ATP6V1A: variants seen among roughly 807,000 people sequenced by gnomAD.
The protein encoded by ATP6V1A is V-type proton ATPase catalytic subunit A.
ATP6V1A carries 18 observed loss-of-function variants against 70.1 expected under a neutral mutation model. The ratio of observed to expected loss-of-function variants is 0.26; its 90% confidence interval spans 0.18 to 0.38. ATP6V1A has a LOEUF of 0.38. Among genes scored for constraint, ATP6V1A ranks in the 10% least tolerant of loss-of-function variants. The pLI, the probability that ATP6V1A is intolerant of heterozygous loss-of-function variation, is 1.00. For synonymous variants in ATP6V1A, 232 were observed against 253.8 expected (o/e 0.91, Z 0.82); for missense variants, 424 against 772.4 (o/e 0.55, Z 5.35).
intron 5 of ATP6V1A, among the ~76,000 whole-genome samples, chr3:113,785,510 T>C (rs1395198585): frequency 2.8e-5 from 4 of 143,912 alleles, no homozygotes; most frequent in East Asian, 2.0e-4. Context: ...TCTTTTCTTT[T>C]TTTTTTTTTT....
intron 8 of ATP6V1A, among the ~76,000 whole-genome samples, chr3:113,790,446 A>G (rs1353893210): frequency 6.6e-6 from 1 of 151,804 alleles, no homozygotes; most frequent in Non-Finnish European, 1.5e-5. Flanking sequence ...TTTATCATTG[A>G]TCTAGTTTTA....
At chr3:113,750,615 C>A (rs1277826938) in intron 1 of ATP6V1A, among the ~76,000 whole-genome samples, 1 of 152,244 alleles carries the variant, frequency 6.6e-6, no homozygotes, top group Non-Finnish European at 1.5e-5. Flanking sequence ...CACTTAATAA[C>A]TGTGTGACTT....
At position 113,797,457 on chromosome 3, in the gene ATP6V1A, T is replaced by A. The variant is rs193258914; in HGVS notation, c.1291-786T>A. On this transcript the variant is annotated intron_variant, in intron 11 of 14. Transcript: ENST00000273398. ...TTTTAGTACAGACAGGGTTTTGCCA[T>A]GTTGGCCAGGCTGGTCTCGAACTCC... 8.6e-5 allele frequency among the ~76,000 whole-genome samples: 13 copies of A among 150,772 alleles called. No individual in the cohort carries two copies. The East Asian group carries it at 2.6e-3, about 30-fold the overall frequency.
chr3:113,758,026 C>T (rs1708664146), intron 1 of ATP6V1A, among the ~76,000 whole-genome samples: 1 of 152,042 alleles, frequency 6.6e-6, no homozygotes, highest in Non-Finnish European at 1.5e-5. Context: ...CACCTGTAGT[C>T]CCAGCTACTC....
chr3:113,804,722 T>C (rs922842036), intron 13 of ATP6V1A, among the ~76,000 whole-genome samples: 2 of 152,220 alleles, frequency 1.3e-5, no homozygotes, highest in African/African-American at 4.8e-5. Context: ...AAAAATTCTT[T>C]GGAAAAGGTG....
chr3:113,809,478 G>A lies in ATP6V1A; in HGVS notation c.*51G>A, dbSNP rs1338685680. The A allele has an allele frequency of 1.3e-6, 2 of 1,523,178 alleles. No individual in the cohort carries two copies. Among genetic ancestry groups the A allele is most frequent in the East Asian group, 2.3e-5 (1 of 43,576 alleles). 94.4% of individuals were successfully genotyped at this position (1,523,178 alleles called of 1,614,324 possible). A position where few individuals can be genotyped will look rare whatever the true frequency, so the allele number is the denominator to read the frequency against. On this transcript the variant is annotated 3_prime_UTR_variant, in exon 15 of 15. Transcript: ENST00000273398. ...TTCCTTTTCCTCAGCAAGCTCCTATGTGTATATTTTCCTGAATTTCTCATC... is the reference window on the plus strand; with the variant it reads ...TTCCTTTTCCTCAGCAAGCTCCTATATGTATATTTTCCTGAATTTCTCATC...
At chr3:113,754,068 A>G (rs1425012765) in intron 1 of ATP6V1A, among the ~76,000 whole-genome samples, 2 of 152,240 alleles carry the variant, frequency 1.3e-5, no homozygotes. Flanking sequence ...GGAAAGAGAC[A>G]GAATATCCAT....
intron 12 of ATP6V1A, among the ~76,000 whole-genome samples, 192 bp downstream of exon 12, chr3:113,798,638 T>G (rs1427451388): frequency 6.6e-6 from 1 of 152,206 alleles, no homozygotes; most frequent in East Asian, 1.9e-4. Flanking sequence ...GAAAGAAACA[T>G]TTGATTTACT....
intron 12 of ATP6V1A, among the ~76,000 whole-genome samples, chr3:113,800,826 C>A (rs1218587526): frequency 6.6e-6 from 1 of 151,938 alleles, no homozygotes; most frequent in Non-Finnish European, 1.5e-5. Context: ...GGTAACAGAC[C>A]AGTGACATTG....
Position 113,784,205 on chromosome 3 carries a change from C to T in ATP6V1A, c.212-19C>T, listed in dbSNP as rs1412512341. The stretch of plus-strand genomic sequence containing the variant: ...TCTTTAAACCTTCATAGTAGGTTTT[C>T]CTTAGCTGCTGTTTTTAGCTGGTGT... On this transcript the variant is annotated intron_variant, in intron 3 of 14. Coordinates refer to ENST00000273398, the MANE Select transcript of ATP6V1A (RefSeq NM_001690.4). 1.2e-6 allele frequency: 2 copies of T among 1,606,750 alleles called. No individual in the cohort carries two copies. The highest frequency in any genetic ancestry group is 2.2e-5 in the South Asian group (2 of 90,872).
chr3:113,751,943 A>T (rs150353992), intron 1 of ATP6V1A, among the ~76,000 whole-genome samples: 1 of 151,908 alleles, frequency 6.6e-6, no homozygotes, highest in Non-Finnish European at 1.5e-5. Context: ...ATGGTATATC[A>T]TAAGTATTTT....
chr3:113,771,275 AAAG>A (rs1234442963), intron 1 of ATP6V1A, among the ~76,000 whole-genome samples: 1 of 152,144 alleles, frequency 6.6e-6, no homozygotes, highest in Non-Finnish European at 1.5e-5. Flanking sequence ...CACAGATAAT[AAAG>A]AAGAGTTATA....
intron 14 of ATP6V1A, among the ~76,000 whole-genome samples, chr3:113,807,852 G>A (rs1709293947): frequency 6.6e-6 from 1 of 152,006 alleles, no homozygotes; most frequent in Non-Finnish European, 1.5e-5. Context: ...TCCAGTTGTT[G>A]GCCGGGCGCA....
At chr3:113,770,593 C>T (rs1419368577) in intron 1 of ATP6V1A, among the ~76,000 whole-genome samples, 2 of 151,868 alleles carry the variant, frequency 1.3e-5, no homozygotes, top group Non-Finnish European at 2.9e-5. Context: ...ACACAAGAAT[C>T]GCTTGAACCC....
intron 12 of ATP6V1A, among the ~76,000 whole-genome samples, chr3:113,802,456 G>A (rs1372192404): frequency 1.1e-4 from 16 of 148,968 alleles, no homozygotes; most frequent in Admixed American, 8.8e-4. Flanking sequence ...TCAGCCCCCC[G>A]AGTAGCTGGG....
Position 113,805,494 on chromosome 3 carries a change from T to A in ATP6V1A, c.1730T>A (p.Ile577Asn), listed in dbSNP as rs1321110898. 6.2e-7 allele frequency: 1 copy of A among 1,613,794 alleles called. No individual in the cohort carries two copies. Among genetic ancestry groups the A allele is most frequent in the East Asian group, 2.2e-5 (1 of 44,876 alleles). Residue 577 changes from isoleucine to asparagine, a missense_variant, in exon 14 of 15, where the codon ATC (isoleucine) becomes AAC (asparagine). Physicochemically the swap from Ile to Asn is moderately radical, Grantham distance 149. Transcript: ENST00000273398. ...ATTATTCGTGAGCACATGGGAGACA[T>A]CCTCTATAAACTTTCCTCCATGAAA... ...WSIIREHMGD[I>N]LYKLSSMKFK...
Position 113,811,701 on chromosome 3 carries a change from A to G in ATP6V1A, c.*2274A>G, listed in dbSNP as rs1312984816. 1 of 152,620 alleles carries G rather than the reference A, an allele frequency of 6.6e-6. No homozygotes were observed. Among genetic ancestry groups the G allele is most frequent in the Non-Finnish European group, 1.5e-5 (1 of 68,038 alleles). The allele number at this position is 152,620 out of a possible 1,614,324, so 9.5% of individuals were successfully genotyped here. A position where few individuals can be genotyped will look rare whatever the true frequency, so the allele number is the denominator to read the frequency against. On this transcript the variant is annotated 3_prime_UTR_variant, in exon 15 of 15. Coordinates refer to ENST00000273398, the MANE Select transcript of ATP6V1A (RefSeq NM_001690.4). ...AAGATGCTAGCGAACCTATGCTCAGATATTCATCGTAAGTCTCCCTTCACC... is the reference window on the plus strand; with the variant it reads ...AAGATGCTAGCGAACCTATGCTCAGGTATTCATCGTAAGTCTCCCTTCACC...
rs770644270 is a variant in ATP6V1A, at chr3:113,781,153, T to G, written c.186T>G (p.Ala62=). The G allele has an allele frequency of 6.2e-7, 1 of 1,613,322 alleles. No homozygotes were observed. The highest frequency in any genetic ancestry group is 8.5e-7 in the Non-Finnish European group (1 of 1,179,636). Residue 62 remains alanine, a synonymous_variant, in exon 3 of 15, where the codon GCT becomes GCG. Transcript: ENST00000273398. ...GEIIRLEGDM[A]TIQVYEETSG... ...TTATTCGATTGGAGGGTGACATGGCTACTATTCAGGTGTATGAAGAAACTT... is the reference window on the plus strand; with the variant it reads ...TTATTCGATTGGAGGGTGACATGGCGACTATTCAGGTGTATGAAGAAACTT...
chr3:113,796,056 T>C (rs900694439), intron 11 of ATP6V1A, 117 bp downstream of exon 11: 6 of 855,284 alleles, frequency 7.0e-6, no homozygotes, highest in Admixed American at 6.5e-5. Context: ...CTCTAAAGGA[T>C]AGGCAATGGT....
Sources: gnomAD v4.1 joint callset for allele counts (sites outside exome capture counted in the v4.1 genomes callset) on GRCh38, gnomAD v4.1.1 for gene constraint, MANE v1.5 for transcripts, NCBI Gene and HGNC (gene_info 2026-07-23, HGNC 2026-07-21) for gene names.